POU6F2: variants seen among roughly 807,000 people sequenced by gnomAD.
The protein encoded by POU6F2 is POU domain, class 6, transcription factor 2.
Under a neutral mutation model 71.3 loss-of-function variants are expected in POU6F2, and 31 were observed. That is an observed-to-expected ratio of 0.43 (90% CI 0.33 to 0.59). The LOEUF is 0.59. Among genes scored for constraint, POU6F2 ranks in the 20% least tolerant of loss-of-function variants. POU6F2 has a pLI of 0.04. For synonymous variants in POU6F2, 347 were observed against 355.7 expected, an observed-to-expected ratio of 0.98 and a Z score of 0.27; for missense variants, 783 against 856.8, an observed-to-expected ratio of 0.91 and a Z score of 1.07.
intron 1 of POU6F2, among the ~76,000 whole-genome samples, chr7:39,035,930 T>TA (rs369269641): frequency 1.3e-5 from 2 of 151,666 alleles, no homozygotes; most frequent in East Asian, 3.9e-4. Flanking sequence ...CATTTTTTTT[T>TA]AAACAAAGAG....
chr7:39,182,432 C>T (rs915996371), intron 2 of POU6F2, among the ~76,000 whole-genome samples: 2 of 152,264 alleles, frequency 1.3e-5, no homozygotes, highest in East Asian at 3.9e-4. Flanking sequence ...AATGCAGTCT[C>T]AATTCTCATT....
chr7:38,997,024 T>C (rs1407691092), intron 1 of POU6F2, among the ~76,000 whole-genome samples: 1 of 152,236 alleles, frequency 6.6e-6, no homozygotes, highest in East Asian at 1.9e-4. Flanking sequence ...ATGTTTTCTG[T>C]ACATCAGTGA....
At chr7:39,085,448 T>A (rs1270630137) in intron 1 of POU6F2, among the ~76,000 whole-genome samples, 1 of 152,170 alleles carries the variant, frequency 6.6e-6, no homozygotes, top group Non-Finnish European at 1.5e-5. Context: ...CTTTTTAGTA[T>A]GTTGCTGAAG....
chr7:39,153,251 C>A (rs975529747), intron 2 of POU6F2, among the ~76,000 whole-genome samples: 5 of 151,938 alleles, frequency 3.3e-5, no homozygotes, highest in African/African-American at 1.2e-4. Flanking sequence ...GCATTCAACA[C>A]CAATGATGGC....
intron 1 of POU6F2, among the ~76,000 whole-genome samples, chr7:39,014,177 C>T (rs1437519344): frequency 6.6e-6 from 1 of 152,156 alleles, no homozygotes; most frequent in Admixed American, 6.5e-5. Flanking sequence ...TTGGGAGTGT[C>T]TTTGAGTAGT....
intron 6 of POU6F2, among the ~76,000 whole-genome samples, chr7:39,416,364 C>G (rs1390142587): frequency 1.3e-5 from 2 of 152,104 alleles, no homozygotes; most frequent in African/African-American, 4.8e-5. Flanking sequence ...AGTGAGGCAA[C>G]CTAGCAATGA....
intron 7 of POU6F2, among the ~76,000 whole-genome samples, chr7:39,440,474 T>C (rs1325504838): frequency 6.6e-6 from 1 of 152,234 alleles, no homozygotes; most frequent in African/African-American, 2.4e-5. Context: ...CTTGATCAAT[T>C]TGGCTATTGA....
chr7:39,362,490 A>G (rs1008257200), intron 5 of POU6F2, among the ~76,000 whole-genome samples: 1 of 152,116 alleles, frequency 6.6e-6, no homozygotes, highest in Admixed American at 6.6e-5. Flanking sequence ...CCCAGACCTC[A>G]TCCTCTAGGG....
chr7:38,989,447 A>C (rs565251119), intron 1 of POU6F2, among the ~76,000 whole-genome samples: 1 of 152,192 alleles, frequency 6.6e-6, no homozygotes, highest in South Asian at 2.1e-4. Flanking sequence ...TCAAAAGCTA[A>C]GATGGTTTCA....
chr7:39,164,297 A>T (rs1000103558), intron 2 of POU6F2, among the ~76,000 whole-genome samples: 53 of 150,614 alleles, frequency 3.5e-4, no homozygotes, highest in African/African-American at 1.3e-3. Flanking sequence ...TTTCCTTCCT[A>T]CATCCATGCT....
At chr7:39,369,184 G>A (rs1299933012) in intron 5 of POU6F2, among the ~76,000 whole-genome samples, 1 of 152,160 alleles carries the variant, frequency 6.6e-6, no homozygotes, top group East Asian at 1.9e-4. Context: ...TGCTAAGACA[G>A]CAGCAGGGTT....
At chr7:39,143,321 T>A (rs1792546451) in intron 2 of POU6F2, among the ~76,000 whole-genome samples, 1 of 152,200 alleles carries the variant, frequency 6.6e-6, no homozygotes, top group Admixed American at 6.5e-5. Flanking sequence ...GAGTTCCGTA[T>A]ACAGAGCTCA....
At chr7:39,258,935 A>C (rs534067553) in intron 4 of POU6F2, among the ~76,000 whole-genome samples, 1 of 152,316 alleles carries the variant, frequency 6.6e-6, no homozygotes, top group Non-Finnish European at 1.5e-5. Flanking sequence ...CACTTCTCCC[A>C]GTATAACGTA....
intron 2 of POU6F2, among the ~76,000 whole-genome samples, chr7:39,149,669 A>G (rs1396120525): frequency 6.6e-6 from 1 of 151,654 alleles, no homozygotes; most frequent in Non-Finnish European, 1.5e-5. Context: ...ACATCTCCCC[A>G]TTTCCTCACC....
At chr7:39,130,066 CAA>C (rs572365688) in intron 2 of POU6F2, among the ~76,000 whole-genome samples, 7 of 44,568 alleles carry the variant, frequency 1.6e-4, no homozygotes, top group African/African-American at 4.3e-4. Flanking sequence ...GACTCCATCT[CAA>C]AAAAAAAAAA....
chr7:39,233,816 C>T (rs1442536560), intron 4 of POU6F2, among the ~76,000 whole-genome samples: 1 of 152,090 alleles, frequency 6.6e-6, no homozygotes, highest in Non-Finnish European at 1.5e-5. Flanking sequence ...AGTGTAAAAC[C>T]CGGTCACTTT....
intron 1 of POU6F2, among the ~76,000 whole-genome samples, chr7:39,067,478 C>T (rs560778691): frequency 6.0e-4 from 91 of 151,726 alleles, no homozygotes; most frequent in African/African-American, 1.9e-3. Flanking sequence ...AAAAATCAAA[C>T]GGAAATAACA....
intron 5 of POU6F2, among the ~76,000 whole-genome samples, chr7:39,374,299 A>C (rs1440730547): frequency 6.6e-6 from 1 of 152,210 alleles, no homozygotes; most frequent in Non-Finnish European, 1.5e-5. Context: ...ATGGAATAAA[A>C]AGCAATCTGT....
intron 2 of POU6F2, among the ~76,000 whole-genome samples, chr7:39,126,458 C>G (rs565571706): frequency 6.6e-6 from 1 of 152,128 alleles, no homozygotes; most frequent in Non-Finnish European, 1.5e-5. Context: ...ATGAGCACTC[C>G]GTCATTAAGT....
Sources: gnomAD v4.1 joint callset for allele counts (sites outside exome capture counted in the v4.1 genomes callset) on GRCh38, gnomAD v4.1.1 for gene constraint, MANE v1.5 for transcripts, NCBI Gene and HGNC (gene_info 2026-07-23, HGNC 2026-07-21) for gene names.